PHOSPHO1: variants seen among roughly 807,000 people sequenced by gnomAD.
The protein encoded by PHOSPHO1 is phosphoethanolamine/phosphocholine phosphatase 1.
A neutral mutation model predicts 17.7 loss-of-function variants in PHOSPHO1; 6 were observed. That is an observed-to-expected ratio of 0.34 (90% confidence interval 0.19 to 0.67). PHOSPHO1 has a LOEUF of 0.67. Among genes scored for constraint, PHOSPHO1 ranks in the 30% least tolerant of loss-of-function variants. The pLI, the probability that PHOSPHO1 is intolerant of heterozygous loss-of-function variation, is 0.69. For synonymous variants in PHOSPHO1, 159 were observed against 174.6 expected, an observed-to-expected ratio of 0.91 and a Z score of 0.71; for missense variants, 330 against 392.1, an observed-to-expected ratio of 0.84 and a Z score of 1.34.
intron 2 of PHOSPHO1, chr17:49,225,769 A>G (rs1481690254): frequency 2.4e-6 from 3 of 1,268,308 alleles, no homozygotes; most frequent in Admixed American, 2.5e-5. Context: ...GCACCAGGCC[A>G]TGACACACCT....
intron 1 of PHOSPHO1, among the ~76,000 whole-genome samples, chr17:49,227,238 C>T (rs1344119061): frequency 6.6e-6 from 1 of 152,150 alleles, no homozygotes; most frequent in Admixed American, 6.5e-5. Flanking sequence ...TCCTCATGCC[C>T]TCAAAAAGGA....
intron 1 of PHOSPHO1, among the ~76,000 whole-genome samples, chr17:49,228,182 GA>G (rs2043374262): frequency 6.6e-6 from 1 of 152,128 alleles, no homozygotes; most frequent in South Asian, 2.1e-4. Context: ...CAGCTACCCA[GA>G]GACCAGCTTT....
Position 49,224,320 on chromosome 17 carries a change from G to T in PHOSPHO1, c.730C>A (p.Arg244Ser). The change falls in exon 3 of 3, where the codon CGC becomes AGC. Residue 244 changes from arginine to serine, a missense_variant. Physicochemically the swap from Arg to Ser is moderately radical, Grantham distance 110. Transcript: ENST00000310544. ...EAQKAEPSSFRASVVPWETAA... is the reference protein window; with the variant it reads ...EAQKAEPSSFSASVVPWETAA... ...GTTTCCCAGGGCACCACGCTGGCGCGGAACGAGCTGGGCTCGGCCTTCTGG... is the reference window on the plus strand; with the variant it reads ...GTTTCCCAGGGCACCACGCTGGCGCTGAACGAGCTGGGCTCGGCCTTCTGG... 6.3e-7 allele frequency: 1 copy of T among 1,590,860 alleles called. No individual in the cohort carries two copies. The highest frequency in any genetic ancestry group is 8.5e-7 in the Non-Finnish European group (1 of 1,172,280).
At position 49,226,537 on chromosome 17, in the gene PHOSPHO1, G is replaced by A. The variant is rs781127270; in HGVS notation, c.45+110C>T. 12 of 1,165,302 alleles carry A rather than the reference G, an allele frequency of 1.0e-5. 1 individual carries two copies. Among genetic ancestry groups the A allele is most frequent in the Non-Finnish European group, 1.5e-5 (12 of 787,372 alleles). 72.2% of individuals were successfully genotyped at this position (1,165,302 alleles called of 1,614,324 possible). A position where few individuals can be genotyped will look rare whatever the true frequency, so the allele number is the denominator to read the frequency against. On this transcript the variant is annotated intron_variant, in intron 2 of 2. Transcript: ENST00000310544. ...TAATGAAGCCCCAGTAGAGGTGAGG[G>A]TAAACCTAAAACGGGCTGGATAGGG... is the stretch of plus-strand genomic sequence containing the variant.
chr17:49,228,807 A>C (rs1181952199), intron 1 of PHOSPHO1, among the ~76,000 whole-genome samples: 1 of 151,508 alleles, frequency 6.6e-6, no homozygotes, highest in Admixed American at 6.6e-5. Flanking sequence ...AAAAAAAAAA[A>C]AAATTAGCTG....
intron 1 of PHOSPHO1, among the ~76,000 whole-genome samples, chr17:49,228,775 G>A (rs969348226): frequency 7.5e-6 from 1 of 133,890 alleles, no homozygotes. Context: ...GGGCGACAGC[G>A]AGACTCCGTC....
chr17:49,226,829 G>A (rs1468804131), intron 1 of PHOSPHO1, 71 bp from the exon 2 acceptor site: 10 of 926,440 alleles, frequency 1.1e-5, no homozygotes, highest in Non-Finnish European at 1.4e-5. Context: ...ATACCCACCT[G>A]GCCCTGGTCC....
intron 1 of PHOSPHO1, chr17:49,229,073 T>C (rs1006022442): frequency 6.6e-6 from 1 of 152,124 alleles, no homozygotes; most frequent in African/African-American, 2.4e-5. Context: ...TAAACACTTA[T>C]TGTTTGGTGA....
In PHOSPHO1 at chr17:49,224,564, C is replaced by A. The variant is rs1349466279; in HGVS notation, c.486G>T (p.Pro162=). Residue 162 remains proline, a synonymous_variant, in exon 3 of 3, where the codon CCG becomes CCT. Transcript: ENST00000310544. ...AGCGCGCGCAGCTGTGTGTGTGGAA[C>A]GGCCGCAGAGCCAGCAGTCCCCGCG... ...PDARGLLALR[P]FHTHSCARCP... 1 of 1,564,662 alleles carries A rather than the reference C, an allele frequency of 6.4e-7. No individual in the cohort carries two copies. The highest frequency in any genetic ancestry group is 1.9e-5 in the Admixed American group (1 of 53,808).
intron 2 of PHOSPHO1, chr17:49,225,667 G>A (rs1277342902): frequency 7.8e-7 from 1 of 1,290,174 alleles, no homozygotes; most frequent in Non-Finnish European, 1.0e-6. Flanking sequence ...AATTCCCCAG[G>A]AGGAACGTGT....
Position 49,224,345 on chromosome 17 carries a change from G to C in PHOSPHO1, c.705C>G (p.Ala235=). The part of the protein sequence containing the change: ...GYPMHRLIQE[A]QKAEPSSFRA... ...GGAACGAGCTGGGCTCGGCCTTCTGGGCCTCCTGAATGAGGCGGTGCATGG... is the reference window on the plus strand; with the variant it reads ...GGAACGAGCTGGGCTCGGCCTTCTGCGCCTCCTGAATGAGGCGGTGCATGG... The change falls in exon 3 of 3, where the codon GCC becomes GCG. Residue 235 remains alanine (A), a synonymous_variant. Coordinates refer to ENST00000310544, the MANE Select transcript of PHOSPHO1 (RefSeq NM_178500.4). 1 of 1,577,520 alleles carries C rather than the reference G, an allele frequency of 6.3e-7. No homozygotes were observed. The highest frequency in any genetic ancestry group is 1.3e-5 in the African/African-American group (1 of 74,372).
Position 49,223,539 on chromosome 17 carries a change from C to T in PHOSPHO1, c.*707G>A, listed in dbSNP as rs1048052781. 2 of 152,574 alleles carry T rather than the reference C, an allele frequency of 1.3e-5. No homozygotes were observed. Among genetic ancestry groups the T allele is most frequent in the African/African-American group, 2.4e-5 (1 of 41,384 alleles). 9.5% of individuals were successfully genotyped at this position (152,574 alleles called of 1,614,324 possible). A position where few individuals can be genotyped will look rare whatever the true frequency, so the allele number is the denominator to read the frequency against. On this transcript the variant is annotated 3_prime_UTR_variant, in exon 3 of 3. Transcript: ENST00000310544. ...AGTCCCTGGTCTCTTGCTGCATAGA[C>T]GAGGCTGGGATGCAAGGAGACACCG...
rs376838914 is a variant in PHOSPHO1, at chr17:49,224,200, G to T, written c.*46C>A. The T allele has an allele frequency of 2.7e-6, 4 of 1,501,456 alleles. No individual in the cohort carries two copies. Among genetic ancestry groups the T allele is most frequent in the Non-Finnish European group, 3.5e-6 (4 of 1,131,690 alleles). 93.0% of individuals were successfully genotyped at this position (1,501,456 alleles called of 1,614,324 possible). The stretch of plus-strand genomic sequence containing the variant: ...TGTCTTTGCCGAATCTCCCTTCCCC[G>T]CCCCCTCCGCCGTTGGCCCGGGTAC... On this transcript the variant is annotated 3_prime_UTR_variant, in exon 3 of 3. Coordinates refer to ENST00000310544, the MANE Select transcript of PHOSPHO1 (RefSeq NM_178500.4).
In PHOSPHO1 at chr17:49,224,486, C is replaced by G; in HGVS notation, c.564G>C (p.Arg188=). 1 of 1,568,860 alleles carries G rather than the reference C, an allele frequency of 6.4e-7. No homozygotes were observed. Among genetic ancestry groups the G allele is most frequent in the Non-Finnish European group, 8.6e-7 (1 of 1,159,502 alleles). ...GCTCGAAGTGCACGCCGTCGTGGGC[C>G]CGCTCGCGCAGGTAGTCGCTGAGCA... is the stretch of plus-strand genomic sequence containing the variant. ...HKVLSDYLRE[R]AHDGVHFERL... The change falls in exon 3 of 3, where the codon CGG becomes CGC. Residue 188 remains arginine (R), a synonymous_variant. Transcript: ENST00000310544.
Position 49,224,259 on chromosome 17 carries a change from A to C in PHOSPHO1, c.791T>G (p.Leu264Arg). The change falls in exon 3 of 3, where the codon CTG becomes CGG. Residue 264 changes from leucine (L) to arginine (R), a missense_variant. Leu to Arg is a moderately radical substitution (Grantham distance 102). Transcript: ENST00000310544. ...ADVRLHLQQV[L>R]KSC ...AGGCGGCCAGACTCAGCACGACTTC[A>C]GCACCTGTTGCAGGTGGAGGCGCAC... 6.3e-7 allele frequency: 1 copy of C among 1,583,604 alleles called. No homozygotes were observed. Among genetic ancestry groups the C allele is most frequent in the Admixed American group, 1.7e-5 (1 of 57,754 alleles).
intron 1 of PHOSPHO1, among the ~76,000 whole-genome samples, chr17:49,228,304 CT>C (rs1445955503): frequency 2.2e-5 from 3 of 138,482 alleles, no homozygotes; most frequent in South Asian, 2.3e-4. Context: ...TTCCTCCTTC[CT>C]TCCTTCCTTC....
rs1328833901 is a variant in PHOSPHO1 at position 49,224,971 on chromosome 17, A to G, written c.79T>C (p.Phe27Leu). ...TCGTCGAAGTCGAAGGTCAGGAGGA[A>G]GCGCGGCGCGCCCTGCGCGGCCATC... ...GRMAAQGAPR[F>L]LLTFDFDETI... Residue 27 changes from phenylalanine (F) to leucine (L), a missense_variant, in exon 3 of 3, where the codon TTC becomes CTC. By Grantham distance (22) the Phe-to-Leu change is conservative (BLOSUM62 0). Coordinates refer to ENST00000310544, the MANE Select transcript of PHOSPHO1 (RefSeq NM_178500.4). 2 of 1,559,900 alleles carry G rather than the reference A, an allele frequency of 1.3e-6. No individual in the cohort carries two copies. The highest frequency in any genetic ancestry group is 1.2e-5 in the South Asian group (1 of 85,908).
chr17:49,227,305 C>G (rs1012329227), intron 1 of PHOSPHO1, among the ~76,000 whole-genome samples: 1 of 152,192 alleles, frequency 6.6e-6, no homozygotes, highest in Non-Finnish European at 1.5e-5. Context: ...CCAGCCAGGT[C>G]TCACAGATGA....
rs1392676324 is a variant in PHOSPHO1 at position 49,224,604 on chromosome 17, G to C, written c.446C>G (p.Pro149Arg). ...CAGTCCCCGCGCATCCGGCCCCGAC[G>C]GGTTGCTGAGGATGCGGCGGAACAG... ...HSLFRRILSNPSGPDARGLLA... is the reference protein window; with the variant it reads ...HSLFRRILSNRSGPDARGLLA... Residue 149 changes from proline (P) to arginine (R), a missense_variant, in exon 3 of 3, where the codon CCG becomes CGG. Coordinates refer to ENST00000310544, the MANE Select transcript of PHOSPHO1 (RefSeq NM_178500.4). The C allele has an allele frequency of 6.4e-7, 1 of 1,574,736 alleles. No homozygotes were observed. The highest frequency in any genetic ancestry group is 1.1e-5 in the South Asian group (1 of 87,154).
Sources: gnomAD v4.1 joint callset for allele counts (sites outside exome capture counted in the v4.1 genomes callset) on GRCh38, gnomAD v4.1.1 for gene constraint, MANE v1.5 for transcripts, NCBI Gene and HGNC (gene_info 2026-07-23, HGNC 2026-07-21) for gene names.